KCNIP4: variants seen among roughly 807,000 people sequenced by gnomAD.
KCNIP4 encodes potassium voltage-gated channel interacting protein 4, also known as Kv channel-interacting protein 4.
Under a neutral mutation model 34.0 loss-of-function variants are expected in KCNIP4, and 12 were observed. The observed-to-expected ratio is 0.35, with a 90% CI of 0.23 to 0.57. The LOEUF is 0.57. KCNIP4 is among the 20% of genes least tolerant of loss of function. The pLI is 0.83. For synonymous variants in KCNIP4, 124 were observed against 102.2 expected (o/e 1.21, Z -1.29); for missense variants, 238 against 311.7 (o/e 0.76, Z 1.78).
At chr4:20,760,396 C>T (rs1195085111) in intron 3 of KCNIP4, among the ~76,000 whole-genome samples, 2 of 152,166 alleles carry the variant, frequency 1.3e-5, no homozygotes, top group African/African-American at 4.8e-5. Flanking sequence ...GTATTTAAAA[C>T]ATCACTTAAC....
intron 1 of KCNIP4, chr4:21,851,630 C>T (rs772867789): frequency 6.6e-6 from 1 of 152,038 alleles, no homozygotes; most frequent in Non-Finnish European, 1.5e-5. Flanking sequence ...TAGCTTTATC[C>T]CAAGGTAAGG....
At chr4:21,552,913 T>C (rs538046885) in intron 1 of KCNIP4, among the ~76,000 whole-genome samples, 2 of 152,176 alleles carry the variant, frequency 1.3e-5, no homozygotes, top group Admixed American at 1.3e-4. Context: ...AAAAGAGCCA[T>C]GGAAATTCCA....
At chr4:21,598,552 C>T (rs1176640718) in intron 1 of KCNIP4, among the ~76,000 whole-genome samples, 1 of 152,014 alleles carries the variant, frequency 6.6e-6, no homozygotes, top group Non-Finnish European at 1.5e-5. Context: ...GGTTTATCAA[C>T]TCCTATGATT....
At chr4:21,765,149 G>A (rs1164656481) in intron 1 of KCNIP4, among the ~76,000 whole-genome samples, 1 of 127,616 alleles carries the variant, frequency 7.8e-6, no homozygotes, top group Admixed American at 7.7e-5. Flanking sequence ...GTTTTATTAT[G>A]AAGAGAACCT....
intron 1 of KCNIP4, among the ~76,000 whole-genome samples, chr4:21,550,616 C>T (rs533846702): frequency 6.6e-6 from 1 of 152,016 alleles, no homozygotes; most frequent in South Asian, 2.1e-4. Flanking sequence ...GATTCTTGTC[C>T]ATTTAACCTC....
Position 21,820,758 on chromosome 4 carries a change from T to C in KCNIP4, c.61+127813A>G, listed in dbSNP as rs147154398. On this transcript the variant is annotated intron_variant, in intron 1 of 8. Coordinates refer to ENST00000382152, the MANE Select transcript of KCNIP4 (RefSeq NM_025221.6). ...TCACTGACATTTCAGTTAGCTTCAA[T>C]GATCATTAAAGTTTTTTCTTCTTTA... 1.5e-4 allele frequency among the ~76,000 whole-genome samples: 23 copies of C among 152,290 alleles called. No individual in the cohort carries two copies. In the East Asian group the frequency reaches 4.5e-3, roughly 29 times the overall value.
intron 1 of KCNIP4, among the ~76,000 whole-genome samples, chr4:21,351,348 T>C (rs36012489): frequency 0.034 from 5,168 of 152,096 alleles, 222 homozygotes; most frequent in East Asian, 0.2. Flanking sequence ...CTATTGATAG[T>C]AACTCTCATG....
At chr4:20,941,118 A>G (rs1577402963) in intron 1 of KCNIP4, among the ~76,000 whole-genome samples, 2 of 152,222 alleles carry the variant, frequency 1.3e-5, no homozygotes, top group African/African-American at 2.4e-5. Context: ...ACATGCACCT[A>G]CTGGATAGGA....
chr4:21,945,590 C>T (rs1345536989), intron 1 of KCNIP4, among the ~76,000 whole-genome samples: 1 of 152,100 alleles, frequency 6.6e-6, no homozygotes, highest in Non-Finnish European at 1.5e-5. Context: ...TTGAAACATA[C>T]ATTTTCCTCA....
intron 1 of KCNIP4, among the ~76,000 whole-genome samples, chr4:21,321,436 A>G (rs1425527220): frequency 6.6e-6 from 1 of 152,192 alleles, no homozygotes; most frequent in African/African-American, 2.4e-5. Context: ...GGGAAGATGT[A>G]AATATAGGTA....
At chr4:21,393,271 G>T (rs1239927046) in intron 1 of KCNIP4, among the ~76,000 whole-genome samples, 1 of 151,886 alleles carries the variant, frequency 6.6e-6, no homozygotes. Flanking sequence ...TAAATGCTTG[G>T]GTGTTGCATT....
chr4:20,894,259 C>T (rs981835304), intron 1 of KCNIP4, among the ~76,000 whole-genome samples: 20 of 152,206 alleles, frequency 1.3e-4, no homozygotes, highest in Admixed American at 4.6e-4. Context: ...GGAAAGCAAG[C>T]GACAGGTGAG....
intron 1 of KCNIP4, among the ~76,000 whole-genome samples, chr4:21,134,334 T>A (rs1751331765): frequency 6.6e-6 from 1 of 152,220 alleles, no homozygotes; most frequent in South Asian, 2.1e-4. Flanking sequence ...ATCTTTTTAA[T>A]AACATTTCCT....
At chr4:21,519,717 T>TACACACGTGTGTGTATGTATGTGTATTG (rs1735297886) in intron 1 of KCNIP4, among the ~76,000 whole-genome samples, 1 of 130,746 alleles carries the variant, frequency 7.6e-6, no homozygotes, top group Non-Finnish European at 1.6e-5. Context: ...TATGTGTATA[T>TACACACGTGTGTGTATGTATGTGTATTG]ATACACACGT....
intron 1 of KCNIP4, among the ~76,000 whole-genome samples, chr4:21,675,264 T>C (rs1749801401): frequency 6.6e-6 from 1 of 152,024 alleles, no homozygotes; most frequent in South Asian, 2.1e-4. Flanking sequence ...AACTCATGGA[T>C]ATAGAGAGTA....
chr4:20,795,706 A>G, intron 3 of KCNIP4, among the ~76,000 whole-genome samples: 1 of 151,212 alleles, frequency 6.6e-6, no homozygotes, highest in African/African-American at 2.4e-5. Context: ...CTATAACTCT[A>G]GTTTTTTTAA....
chr4:21,785,554 T>C (rs28546724), intron 1 of KCNIP4, among the ~76,000 whole-genome samples: 13,803 of 151,102 alleles, frequency 0.091, 655 homozygotes, highest in Middle Eastern at 0.16. Flanking sequence ...ATTGCACCCC[T>C]GCACTCCAGC....
chr4:21,379,155 TTC>T (rs1281589856), intron 1 of KCNIP4, among the ~76,000 whole-genome samples: 2 of 152,210 alleles, frequency 1.3e-5, no homozygotes, highest in Non-Finnish European at 2.9e-5. Context: ...ATTTTGAGAT[TTC>T]TGTTATTTCA....
chr4:21,282,055 A>T (rs1242056157), intron 1 of KCNIP4, among the ~76,000 whole-genome samples: 4 of 152,242 alleles, frequency 2.6e-5, no homozygotes, highest in Non-Finnish European at 4.4e-5. Context: ...CACTAAAAAG[A>T]CATAAAACAA....
Sources: gnomAD v4.1 joint callset for allele counts (sites outside exome capture counted in the v4.1 genomes callset) on GRCh38, gnomAD v4.1.1 for gene constraint, MANE v1.5 for transcripts, NCBI Gene and HGNC (gene_info 2026-07-23, HGNC 2026-07-21) for gene names.